Variants in PKD1L1 observed in about 807,000 individuals in gnomAD.
PKD1L1 encodes polycystin-1-like protein 1.
PKD1L1 carries 236 observed loss-of-function variants against 323.4 expected under a neutral mutation model. The ratio of observed to expected loss-of-function variants is 0.73; its 90% confidence interval spans 0.66 to 0.81. The LOEUF (loss-of-function observed/expected upper bound fraction) is 0.81. PKD1L1 is among the 40% of genes least tolerant of loss of function. The pLI, the probability that PKD1L1 is intolerant of heterozygous loss-of-function variation, is 0.00. For synonymous variants in PKD1L1, 1,344 were observed against 1,335.0 expected, an observed-to-expected ratio of 1.01 and a Z score of -0.15; for missense variants, 3,320 against 3,508.0, an observed-to-expected ratio of 0.95 and a Z score of 1.35.
At chr7:47,837,264 C>T (rs941159973) in intron 36 of PKD1L1, among the ~76,000 whole-genome samples, 170 bp from the exon 37 acceptor site, 4 of 152,112 alleles carry the variant, frequency 2.6e-5, no homozygotes, top group African/African-American at 9.7e-5. Flanking sequence ...GACAGCACTG[C>T]ACTCCCCACA....
At chr7:47,928,295 G>T (rs1035453787) in intron 7 of PKD1L1, among the ~76,000 whole-genome samples, 1 of 152,202 alleles carries the variant, frequency 6.6e-6, no homozygotes, top group Non-Finnish European at 1.5e-5. Flanking sequence ...GGGGGAAGGT[G>T]CAGTGGCTCA....
At chr7:47,894,788 G>T (rs73333672) in intron 14 of PKD1L1, among the ~76,000 whole-genome samples, 15 of 151,784 alleles carry the variant, frequency 9.9e-5, no homozygotes, top group South Asian at 4.2e-4. Context: ...TAGCCCAGAG[G>T]GGGAGGTTGC....
intron 7 of PKD1L1, among the ~76,000 whole-genome samples, chr7:47,924,659 T>TTC (rs1288427769): frequency 2.6e-5 from 4 of 152,182 alleles, no homozygotes; most frequent in Non-Finnish European, 4.4e-5. Context: ...GGGTGCCAGT[T>TTC]TCCTTTGCCT....
At chr7:47,821,021 G>A in intron 46 of PKD1L1, 55 bp downstream of exon 46, 6 of 1,070,968 alleles carry the variant, frequency 5.6e-6, no homozygotes, top group Non-Finnish European at 8.7e-6. Flanking sequence ...GGTGCACACA[G>A]GCTATGGAAT....
chr7:47,882,056 G>C lies in PKD1L1; in HGVS notation c.3295C>G (p.Pro1099Ala). 1.2e-6 allele frequency: 2 copies of C among 1,613,490 alleles called. No homozygotes were observed. Among genetic ancestry groups the C allele is most frequent in the Non-Finnish European group, 1.7e-6 (2 of 1,179,888 alleles). Residue 1099 changes from proline (P) to alanine (A), a missense_variant, in exon 20 of 57, where the codon CCT becomes GCT. Physicochemically the swap from Pro to Ala is conservative, Grantham distance 27 (BLOSUM62 -1). Coordinates refer to ENST00000289672, the MANE Select transcript of PKD1L1 (RefSeq NM_138295.5). ...AKDTSFPGSG[P>A]SLSAEESPGD... ...GGGCTCTCCTCGGCACTCAAGCTAG[G>C]TCCTGATCCTGGAAAGCTGGTGTCC... is the stretch of plus-strand genomic sequence containing the variant.
rs1020497666 is a variant in PKD1L1, at chr7:47,946,736, C to T, written c.44+1661G>A. ...GAGGGCTACAGGAGAGTCAAGAAAC[C>T]TCTTCTGTTTCTATGAACAAGATCA... On this transcript the variant is annotated intron_variant, in intron 1 of 56. Coordinates refer to ENST00000289672, the MANE Select transcript of PKD1L1 (RefSeq NM_138295.5). This position sits in a 1 kb window ranked among gnomAD's most constrained non-coding sequence, Gnocchi z 4.1. 6.6e-6 allele frequency among the ~76,000 whole-genome samples: 1 copy of T among 152,154 alleles called. No homozygotes were observed. Among genetic ancestry groups the T allele is most frequent in the African/African-American group, 2.4e-5 (1 of 41,432 alleles).
In PKD1L1 at chr7:47,843,183, G is replaced by A; in HGVS notation, c.5238-14C>T. The A allele has an allele frequency of 6.3e-7, 1 of 1,586,408 alleles. No homozygotes were observed. Among genetic ancestry groups the A allele is most frequent in the Non-Finnish European group, 8.6e-7 (1 of 1,162,086 alleles). On this transcript the variant is annotated splice_polypyrimidine_tract_variant and intron_variant, in intron 33 of 56. Coordinates refer to ENST00000289672, the MANE Select transcript of PKD1L1 (RefSeq NM_138295.5). ...TTTTCTGGGTGGCTATAAACAAAAG[G>A]AGAGATATAAAGAAAATTGCTCATG...
chr7:47,908,652 A>G (rs1438044486), intron 8 of PKD1L1, among the ~76,000 whole-genome samples: 1 of 152,256 alleles, frequency 6.6e-6, no homozygotes, highest in Non-Finnish European at 1.5e-5. Flanking sequence ...ATGGGAATAT[A>G]TCAAATAACT....
chr7:47,935,996 A>T (rs1320205195), intron 4 of PKD1L1, among the ~76,000 whole-genome samples: 1 of 152,264 alleles, frequency 6.6e-6, no homozygotes, highest in Non-Finnish European at 1.5e-5. Flanking sequence ...TTTTCCTTTA[A>T]GAAAGAAAAG....
intron 8 of PKD1L1, among the ~76,000 whole-genome samples, chr7:47,908,821 A>C (rs1470334681): frequency 6.6e-6 from 1 of 152,214 alleles, no homozygotes; most frequent in Non-Finnish European, 1.5e-5. Context: ...GGATTTTCAA[A>C]GTGCTTGCAC....
At chr7:47,793,586 C>A (rs1787005373) in intron 55 of PKD1L1, among the ~76,000 whole-genome samples, 1 of 152,124 alleles carries the variant, frequency 6.6e-6, no homozygotes, top group Non-Finnish European at 1.5e-5. Context: ...CTTTTTGTCC[C>A]CAGTTTCAGT....
At chr7:47,877,355 A>G (rs1786429467) in intron 22 of PKD1L1, 134 bp downstream of exon 22, 3 of 1,311,302 alleles carry the variant, frequency 2.3e-6, no homozygotes, top group Non-Finnish European at 3.2e-6. Context: ...ACTTTCCAAC[A>G]TTCAACGGCA....
At chr7:47,933,777 A>G (rs1023204273) in intron 4 of PKD1L1, among the ~76,000 whole-genome samples, 9 of 152,192 alleles carry the variant, frequency 5.9e-5, no homozygotes, top group African/African-American at 2.2e-4. Context: ...CCAGATAAGG[A>G]CACGCGCACA....
At chr7:47,863,605 C>T (rs534610407) in intron 26 of PKD1L1, among the ~76,000 whole-genome samples, 2 of 152,162 alleles carry the variant, frequency 1.3e-5, no homozygotes, top group East Asian at 3.9e-4. Flanking sequence ...ACAGAAGGTC[C>T]CCGGCAGGGA....
rs1220241580 is a variant in PKD1L1 at position 47,829,521 on chromosome 7, G to A, written c.6639C>T (p.Thr2213=). 2 of 1,614,082 alleles carry A rather than the reference G, an allele frequency of 1.2e-6. No homozygotes were observed. The highest frequency in any genetic ancestry group is 2.2e-5 in the East Asian group (1 of 44,874). ...HFFTESLCEA[T]RDLDSELAER... ...CTGCCAATTCAGAGTCCAGATCCCT[G>A]GTAGCCTCACATAAAGACTCAGTAA... The change falls in exon 44 of 57, where the codon ACC becomes ACT. Residue 2213 remains threonine (T), a synonymous_variant. Transcript: ENST00000289672.
intron 28 of PKD1L1, among the ~76,000 whole-genome samples, chr7:47,856,318 C>T (rs1785903950): frequency 6.6e-6 from 1 of 152,336 alleles, no homozygotes; most frequent in African/African-American, 2.4e-5. Context: ...GGATTACAGG[C>T]GTGACCCACT....
chr7:47,814,422 C>T (rs1784970917), intron 47 of PKD1L1, among the ~76,000 whole-genome samples: 1 of 152,222 alleles, frequency 6.6e-6, no homozygotes, highest in Admixed American at 6.5e-5. Flanking sequence ...CTCTGTTGCC[C>T]AGGCTGGAGT....
At chr7:47,845,748 A>C (rs1027745639) in intron 32 of PKD1L1, among the ~76,000 whole-genome samples, 5 of 151,832 alleles carry the variant, frequency 3.3e-5, no homozygotes, top group Admixed American at 2.6e-4. Flanking sequence ...TGCCCATCTA[A>C]TTTTGTATTT....
At chr7:47,795,347 C>T (rs1407958428) in intron 55 of PKD1L1, 1 of 455,524 alleles carries the variant, frequency 2.2e-6, no homozygotes, top group South Asian at 1.6e-5. Flanking sequence ...TGGGTTTCCA[C>T]TTTTGCATCT....
Sources: gnomAD v4.1 joint callset for allele counts (sites outside exome capture counted in the v4.1 genomes callset) on GRCh38, gnomAD v4.1.1 for gene constraint, Gnocchi (gnomAD v3.1) non-coding constraint, MANE v1.5 for transcripts, NCBI Gene and HGNC (gene_info 2026-07-23, HGNC 2026-07-21) for gene names.